TCEA1: variants seen among roughly 807,000 people sequenced by gnomAD.
TCEA1 encodes the protein transcription elongation factor A1, also known as transcription elongation factor A protein 1.
Under a neutral mutation model 43.8 loss-of-function variants are expected in TCEA1, and 21 were observed. The ratio of observed to expected loss-of-function variants is 0.48; its 90% CI spans 0.34 to 0.69. The LOEUF is 0.69. Ranked by LOEUF, TCEA1 falls within the 30% of genes least tolerant of loss-of-function variation. TCEA1 has a pLI of 0.01. For synonymous variants in TCEA1, 104 were observed against 117.5 expected, an observed-to-expected ratio of 0.88 and a Z score of 0.75; for missense variants, 250 against 365.1, an observed-to-expected ratio of 0.68 and a Z score of 2.57.
At chr8:53,977,163 C>CA (rs2129299883) in intron 8 of TCEA1, among the ~76,000 whole-genome samples, 1 of 152,056 alleles carries the variant, frequency 6.6e-6, no homozygotes, top group South Asian at 2.1e-4. Flanking sequence ...ACTAAAAATA[C>CA]AAAAAAATTA....
At chr8:54,000,140 T>A (rs1240411169) in intron 2 of TCEA1, 90 bp from the exon 3 acceptor site, 1 of 829,410 alleles carries the variant, frequency 1.2e-6, no homozygotes, top group Non-Finnish European at 1.8e-6. Flanking sequence ...CCCAGATTCC[T>A]GTTTCTATTT....
At chr8:53,996,918 T>TTTTTTTTTTTTTTTTC (rs1471902060) in intron 3 of TCEA1, among the ~76,000 whole-genome samples, 8 of 149,102 alleles carry the variant, frequency 5.4e-5, no homozygotes, top group Non-Finnish European at 1.2e-4. Context: ...TTTTTTTTTT[T>TTTTTTTTTTTTTTTTC]AGACAGACTC....
chr8:53,990,397 C>A (rs569866841), intron 4 of TCEA1, among the ~76,000 whole-genome samples: 2 of 149,938 alleles, frequency 1.3e-5, no homozygotes, highest in African/African-American at 4.9e-5. Context: ...CAGTCTTACG[C>A]TGTCACCCAG....
At chr8:54,010,717 T>C (rs1219253232) in intron 1 of TCEA1, among the ~76,000 whole-genome samples, 2 of 152,258 alleles carry the variant, frequency 1.3e-5, no homozygotes, top group African/African-American at 2.4e-5. Flanking sequence ...TCATTTAGTC[T>C]AATGTTTACT....
intron 3 of TCEA1, among the ~76,000 whole-genome samples, chr8:53,993,961 G>C (rs1447653590): frequency 2.0e-5 from 3 of 152,184 alleles, no homozygotes; most frequent in Admixed American, 6.5e-5. Flanking sequence ...CATTTGGTGG[G>C]AACTACAAAT....
chr8:53,980,030 G>A, intron 7 of TCEA1, among the ~76,000 whole-genome samples: 1 of 152,070 alleles, frequency 6.6e-6, no homozygotes, highest in Non-Finnish European at 1.5e-5. Flanking sequence ...TGCATGGCCA[G>A]CCTTGCATTA....
intron 2 of TCEA1, among the ~76,000 whole-genome samples, chr8:54,004,777 C>G (rs1804385818): frequency 7.4e-6 from 1 of 134,994 alleles, no homozygotes; most frequent in Admixed American, 7.4e-5. Context: ...CTCAATAATA[C>G]TGTTTAAAAA....
At chr8:54,006,289 C>G (rs534205280) in intron 2 of TCEA1, among the ~76,000 whole-genome samples, 1 of 152,196 alleles carries the variant, frequency 6.6e-6, no homozygotes, top group East Asian at 1.9e-4. Context: ...TCTTATTCAT[C>G]TTTATAAACC....
At chr8:53,998,869 T>C (rs1302976008) in intron 3 of TCEA1, among the ~76,000 whole-genome samples, 3 of 152,216 alleles carry the variant, frequency 2.0e-5, no homozygotes, top group African/African-American at 7.2e-5. Flanking sequence ...GGGATACCTG[T>C]ATTCTTCAAA....
chr8:54,007,386 GC>G (rs1008717443), intron 2 of TCEA1, among the ~76,000 whole-genome samples: 5 of 151,946 alleles, frequency 3.3e-5, no homozygotes, highest in African/African-American at 1.2e-4. Flanking sequence ...TTGCTATGTT[GC>G]CCAGGCTGGT....
rs113196578 is a variant in TCEA1, at chr8:53,991,392, C to CA, written c.320+2275dup. 5.9e-3 allele frequency among the ~76,000 whole-genome samples: 771 copies of CA among 130,320 alleles called. 13 individuals are homozygous for CA. Among genetic ancestry groups the CA allele is most frequent in the African/African-American group, 0.011 (396 of 34,662 alleles). The allele number at this position is 130,320 out of a possible 152,430, so 85.5% of individuals were successfully genotyped here. Reference sequence around the variant, plus strand: ...TGGGCAACAGAGCAAGACTCCGTCTCAAAAAAAAAAATAAAAACAAGGCTG... The same window carrying CA: ...TGGGCAACAGAGCAAGACTCCGTCTCAAAAAAAAAAAATAAAAACAAGGCTG... On this transcript the variant is annotated intron_variant, in intron 4 of 9. Coordinates refer to ENST00000521604, the MANE Select transcript of TCEA1 (RefSeq NM_006756.4).
At chr8:54,021,516 C>T (rs1186130069) in intron 1 of TCEA1, 1 of 152,170 alleles carries the variant, frequency 6.6e-6, no homozygotes, top group East Asian at 1.9e-4. Flanking sequence ...AAGAAACTGG[C>T]ACACTTTACC....
chr8:53,970,400 G>C lies in TCEA1; in HGVS notation c.889C>G (p.Arg297Gly). The change falls in exon 9 of 10, where the codon CGA becomes GGA. Residue 297 changes from arginine to glycine, a missense_variant. By Grantham distance (125) the Arg-to-Gly change is moderately radical (BLOSUM62 -2). This residue lies in a region of TCEA1 where 46 missense variants were observed against 109.8 expected (regional missense o/e 0.42). Transcript: ENST00000521604. ...TFVVCNECGN[R>G]WKFC ...TCCAAGAGAGTCCATACCTTCCATC[G>C]ATTTCCACATTCATTACAGACAACA... 1 of 1,607,078 alleles carries C rather than the reference G, an allele frequency of 6.2e-7. No individual in the cohort carries two copies. The highest frequency in any genetic ancestry group is 8.5e-7 in the Non-Finnish European group (1 of 1,174,582).
At chr8:53,978,993 A>G in intron 8 of TCEA1, 32 bp downstream of exon 8, 2 of 1,571,460 alleles carry the variant, frequency 1.3e-6, no homozygotes, top group Non-Finnish European at 1.7e-6. Context: ...GCATTTTTAT[A>G]TAAAAATAAG....
At chr8:53,998,839 G>T (rs1413992324) in intron 3 of TCEA1, among the ~76,000 whole-genome samples, 12 of 152,102 alleles carry the variant, frequency 7.9e-5, no homozygotes, top group Non-Finnish European at 1.8e-4. Context: ...TTTCTGCCTT[G>T]GGGGGAAAAC....
chr8:54,015,952 G>C (rs780877205), intron 1 of TCEA1, among the ~76,000 whole-genome samples: 1 of 152,110 alleles, frequency 6.6e-6, no homozygotes, highest in Non-Finnish European at 1.5e-5. Flanking sequence ...AATCACAAGG[G>C]ACATGCAAAT....
At chr8:53,972,872 AGAT>A in intron 8 of TCEA1, 1 of 706,170 alleles carries the variant, frequency 1.4e-6, no homozygotes, top group Non-Finnish European at 2.7e-6. Flanking sequence ...GGTTTATACC[AGAT>A]GATACTACTT....
At position 53,967,908 on chromosome 8, in the gene TCEA1, A is replaced by C. The variant is rs1050471; in HGVS notation, c.*196T>G. The C allele has an allele frequency of 0.3, 131,549 of 431,538 alleles. 30,280 individuals carry two copies. The highest frequency in any genetic ancestry group is 0.73 in the East Asian group (22,399 of 30,780). The allele number at this position is 431,538 out of a possible 1,614,324, so 26.7% of individuals were successfully genotyped here. ...AATATGTTTTGAAACAGGTACCATA[A>C]AATTATTATATGGTCTCCCTACTGA... is the stretch of plus-strand genomic sequence containing the variant. On this transcript the variant is annotated 3_prime_UTR_variant, in exon 10 of 10. Coordinates refer to ENST00000521604, the MANE Select transcript of TCEA1 (RefSeq NM_006756.4).
chr8:54,007,878 T>C (rs969208872), intron 2 of TCEA1, among the ~76,000 whole-genome samples: 1 of 152,196 alleles, frequency 6.6e-6, no homozygotes, highest in Non-Finnish European at 1.5e-5. Context: ...CAAAGTTTTA[T>C]TTTTATATTT....
Sources: allele counts gnomAD v4.1 joint callset (sites outside exome capture counted in the v4.1 genomes callset), GRCh38; gene constraint gnomAD v4.1.1; regional missense constraint gnomAD v4.1.1; transcripts MANE v1.5; gene names NCBI Gene and HGNC (gene_info 2026-07-23, HGNC 2026-07-21).